Variants in ASXL2 observed in about 807,000 individuals in gnomAD.
The protein encoded by ASXL2 is ASXL transcriptional regulator 2, also known as putative Polycomb group protein ASXL2.
In ASXL2, 23 loss-of-function variants were observed where a neutral mutation model predicts 122.0. The observed-to-expected ratio is 0.19, with a 90% CI of 0.14 to 0.27. The LOEUF (loss-of-function observed/expected upper bound fraction) is 0.27, where lower values mean the gene tolerates loss of function less well. ASXL2 is among the 10% of genes least tolerant of loss of function. The pLI is 1.00. For missense variants in ASXL2, 1,518 were observed against 1,713.8 expected (o/e 0.89, Z 2.02); for synonymous variants, 650 against 637.0 (o/e 1.02, Z -0.31).
chr2:25,844,045 C>T (rs2089620423), intron 2 of ASXL2, among the ~76,000 whole-genome samples: 3 of 151,972 alleles, frequency 2.0e-5, no homozygotes, highest in Admixed American at 1.3e-4. Flanking sequence ...CCACTAAATG[C>T]CATTGTGTTC....
intron 9 of ASXL2, among the ~76,000 whole-genome samples, chr2:25,757,696 A>C (rs2088161216): frequency 6.7e-6 from 1 of 149,706 alleles, no homozygotes; most frequent in African/African-American, 2.4e-5. Flanking sequence ...AAAAAAAAAA[A>C]AAAAAGAATA....
intron 1 of ASXL2, among the ~76,000 whole-genome samples, chr2:25,866,272 G>A (rs917853642): frequency 1.7e-4 from 25 of 151,304 alleles, no homozygotes; most frequent in African/African-American, 2.7e-4. Context: ...CTGGGACTAC[G>A]GGTGCATGCC....
intron 1 of ASXL2, among the ~76,000 whole-genome samples, chr2:25,857,721 T>A (rs997518290): frequency 2.0e-5 from 3 of 152,188 alleles, no homozygotes; most frequent in Admixed American, 2.0e-4. Context: ...CAGCCCAGCA[T>A]TCCCCAGTCA....
chr2:25,771,898 C>T (rs976749838), intron 5 of ASXL2, among the ~76,000 whole-genome samples: 7 of 152,156 alleles, frequency 4.6e-5, no homozygotes, highest in Non-Finnish European at 4.4e-5. Flanking sequence ...AATGACAACA[C>T]GATACAGTGG....
intron 1 of ASXL2, among the ~76,000 whole-genome samples, chr2:25,868,755 G>A (rs915847894): frequency 6.6e-6 from 1 of 152,154 alleles, no homozygotes; most frequent in South Asian, 2.1e-4. Context: ...CAGGCTGGCA[G>A]CAATGGCTCA....
intron 5 of ASXL2, among the ~76,000 whole-genome samples, chr2:25,781,980 TTTTTTG>T (rs2088648748): frequency 7.2e-6 from 1 of 138,032 alleles, no homozygotes; most frequent in African/African-American, 2.7e-5. Flanking sequence ...TTTTTTTTTT[TTTTTTG>T]TAGAGACAGA....
At chr2:25,856,530 C>A (rs2089780650) in intron 1 of ASXL2, 1 of 1,126,024 alleles carries the variant, frequency 8.9e-7, no homozygotes. Flanking sequence ...CCTCCTCAAT[C>A]CTCAAATGAG....
rs2087822458 is a variant in ASXL2 at position 25,741,293 on chromosome 2, CAG to C, written c.*734_*735del. ...CCTTCACGGACTACATTCACTGTCT[CAG>C]GGCAGGGGGTGGGATTAGGGAACAG... On this transcript the variant is annotated 3_prime_UTR_variant, in exon 13 of 13. Coordinates refer to ENST00000435504, the MANE Select transcript of ASXL2 (RefSeq NM_018263.6). 1 of 223,878 alleles carries C rather than the reference CAG, an allele frequency of 4.5e-6. No individual in the cohort carries two copies. The highest frequency in any genetic ancestry group is 5.7e-5 in the Admixed American group (1 of 17,462). 13.9% of individuals were successfully genotyped at this position (223,878 alleles called of 1,614,324 possible).
rs779914075 is a variant in ASXL2, at chr2:25,740,349, T to C, written c.*1680A>G. On this transcript the variant is annotated 3_prime_UTR_variant, in exon 13 of 13. Transcript: ENST00000435504. ...ATGATTATTGCCCATTTTCTCCTAA[T>C]CTGGAATGTGACTTAACAAGTTTAA... The C allele has an allele frequency of 8.9e-6, 2 of 224,854 alleles. No individual in the cohort carries two copies. The highest frequency in any genetic ancestry group is 1.8e-4 in the South Asian group (1 of 5,488). 13.9% of individuals were successfully genotyped at this position (224,854 alleles called of 1,614,324 possible).
intron 5 of ASXL2, among the ~76,000 whole-genome samples, chr2:25,773,489 C>T (rs1212289972): frequency 1.3e-5 from 2 of 151,712 alleles, no homozygotes; most frequent in African/African-American, 2.4e-5. Context: ...CACGGTGAAA[C>T]CCCATCTCTA....
At chr2:25,821,425 G>A (rs1398500748) in intron 3 of ASXL2, among the ~76,000 whole-genome samples, 2 of 151,934 alleles carry the variant, frequency 1.3e-5, no homozygotes, top group Non-Finnish European at 2.9e-5. Context: ...GGTGGAATTT[G>A]GAGTTTATGG....
chr2:25,774,151 T>C (rs7582924), intron 5 of ASXL2, among the ~76,000 whole-genome samples: 48,761 of 151,764 alleles, frequency 0.32, 8,388 homozygotes, highest in African/African-American at 0.41. Context: ...AACTACCTAT[T>C]AGGTACTATG....
chr2:25,846,815 T>C (rs2089655780), intron 1 of ASXL2, among the ~76,000 whole-genome samples: 1 of 152,082 alleles, frequency 6.6e-6, no homozygotes, highest in African/African-American at 2.4e-5. Flanking sequence ...GTCTCAAAAA[T>C]AGAAATAATG....
At chr2:25,776,641 T>C (rs2088551294) in intron 5 of ASXL2, among the ~76,000 whole-genome samples, 1 of 152,226 alleles carries the variant, frequency 6.6e-6, no homozygotes, top group African/African-American at 2.4e-5. Context: ...CCACTTTCTT[T>C]ATATCCTTGC....
Position 25,799,443 on chromosome 2 carries a change from G to A in ASXL2, c.345C>T (p.Ser115=), listed in dbSNP as rs2088962259. Residue 115 remains serine (S), a synonymous_variant, in exon 5 of 13, where the codon AGC becomes AGT. Coordinates refer to ENST00000435504, the MANE Select transcript of ASXL2 (RefSeq NM_018263.6). Reference sequence around the variant, plus strand: ...TGTTGCTGCCACCATCACTGCTGCTGCTGCTGTTCTCAGAACTCTGGGAAT... The same window carrying A: ...TGTTGCTGCCACCATCACTGCTGCTACTGCTGTTCTCAGAACTCTGGGAAT... ...QSDSQSSENS[S]SSSDGGSNKE... is the part of the protein sequence containing the mutation. The A allele has an allele frequency of 1.2e-6, 2 of 1,613,786 alleles. No individual in the cohort carries two copies. The highest frequency in any genetic ancestry group is 1.7e-6 in the Non-Finnish European group (2 of 1,179,862).
At position 25,856,930 on chromosome 2, in the gene ASXL2, T is replaced by C. The variant is rs1205472898; in HGVS notation, c.58-11367A>G. ...CTAGGTGGCAGCTGGGACAGTGTCC[T>C]ATACCTCATTTTTAATACTACATAG... On this transcript the variant is annotated intron_variant, in intron 1 of 12. Transcript: ENST00000435504. The C allele has an allele frequency of 2.5e-5, 15 of 596,548 alleles. No individual in the cohort carries two copies. The South Asian group carries it at 2.5e-4, about 10-fold the overall frequency. The allele number at this position is 596,548 out of a possible 1,614,324, so 37.0% of individuals were successfully genotyped here.
At chr2:25,745,477 T>C (rs2087925960) in intron 12 of ASXL2, among the ~76,000 whole-genome samples, 1 of 147,182 alleles carries the variant, frequency 6.8e-6, no homozygotes, top group Non-Finnish European at 1.5e-5. Flanking sequence ...CCTCCCAAAG[T>C]GCTGGGATTA....
chr2:25,821,371 G>GGGGAAA (rs1287038893), intron 3 of ASXL2, among the ~76,000 whole-genome samples: 2 of 150,766 alleles, frequency 1.3e-5, no homozygotes, highest in Non-Finnish European at 3.0e-5. Flanking sequence ...GAAAGAAAAA[G>GGGGAAA]GGGAAAGGGA....
intron 4 of ASXL2, among the ~76,000 whole-genome samples, chr2:25,803,133 A>AAATG (rs70950123): frequency 0.39 from 57,231 of 148,512 alleles, 11,984 homozygotes; most frequent in East Asian, 0.8. Flanking sequence ...CTCCATCTCA[A>AAATG]AATGAATGAA....
Sources: allele counts gnomAD v4.1 joint callset (sites outside exome capture counted in the v4.1 genomes callset), GRCh38; gene constraint gnomAD v4.1.1; transcripts MANE v1.5; gene names NCBI Gene and HGNC (gene_info 2026-07-23, HGNC 2026-07-21).